TLL1: variants seen among roughly 807,000 people sequenced by gnomAD.
The protein encoded by TLL1 is tolloid like 1.
TLL1 carries 49 observed loss-of-function variants against 128.2 expected under a neutral mutation model. That is an observed-to-expected ratio of 0.38 (90% CI 0.30 to 0.48). TLL1 has a LOEUF of 0.48. Ranked by LOEUF, TLL1 falls within the 20% of genes least tolerant of loss-of-function variation. TLL1 has a pLI of 0.96. For synonymous variants in TLL1, 454 were observed against 418.8 expected, an observed-to-expected ratio of 1.08 and a Z score of -1.03; for missense variants, 1,123 against 1,242.0, an observed-to-expected ratio of 0.90 and a Z score of 1.44.
intron 1 of TLL1, among the ~76,000 whole-genome samples, chr4:165,905,779 G>A (rs1340271413): frequency 1.3e-5 from 2 of 152,210 alleles, no homozygotes; most frequent in Non-Finnish European, 2.9e-5. Flanking sequence ...ATTAGGGGTT[G>A]AAGTGAAGAG....
chr4:165,945,670 A>G (rs1734212906), intron 1 of TLL1, among the ~76,000 whole-genome samples: 1 of 152,234 alleles, frequency 6.6e-6, no homozygotes. Context: ...TTATAATAAA[A>G]AAGCCAAGAG....
chr4:165,950,124 T>C (rs564417048), intron 1 of TLL1, among the ~76,000 whole-genome samples: 1 of 152,178 alleles, frequency 6.6e-6, no homozygotes, highest in South Asian at 2.1e-4. Flanking sequence ...AGAGTGTCAA[T>C]ATTAATATCA....
At chr4:165,987,008 T>C (rs368777774) in intron 1 of TLL1, among the ~76,000 whole-genome samples, 23 of 152,228 alleles carry the variant, frequency 1.5e-4, no homozygotes, top group Admixed American at 5.9e-4. Context: ...ATGATAATCA[T>C]TTGTAGTGAT....
At chr4:165,911,115 A>G (rs1732508477) in intron 1 of TLL1, among the ~76,000 whole-genome samples, 2 of 152,194 alleles carry the variant, frequency 1.3e-5, no homozygotes, top group Admixed American at 6.5e-5. Flanking sequence ...CTACTCTACT[A>G]TCAAACACTA....
At chr4:166,094,526 AG>A (rs1472806722) in intron 19 of TLL1, among the ~76,000 whole-genome samples, 3 of 152,164 alleles carry the variant, frequency 2.0e-5, no homozygotes, top group African/African-American at 7.2e-5. Context: ...ACAATTTGTT[AG>A]GCAAAACGGG....
At chr4:166,055,386 A>T in intron 13 of TLL1, 115 bp downstream of exon 13, 1 of 919,798 alleles carries the variant, frequency 1.1e-6, no homozygotes, top group Non-Finnish European at 1.7e-6. Flanking sequence ...AATATGAATA[A>T]GGATATTTTG....
At chr4:165,947,993 G>T (rs187378115) in intron 1 of TLL1, among the ~76,000 whole-genome samples, 1 of 152,166 alleles carries the variant, frequency 6.6e-6, no homozygotes, top group East Asian at 1.9e-4. Flanking sequence ...CTGCCAACAC[G>T]TGCTACCTTG....
At chr4:166,016,945 T>G (rs1045624526) in intron 8 of TLL1, among the ~76,000 whole-genome samples, 5 of 151,986 alleles carry the variant, frequency 3.3e-5, no homozygotes, top group Admixed American at 1.3e-4. Flanking sequence ...TTTAAACTTT[T>G]ATCTTTGACT....
rs961596810 is a variant in TLL1, at chr4:165,913,212, A to G, written c.169+39139A>G. ...GTCTTCTGTGAAAATGAAATTATTT[A>G]TGCTTATTAACTCAATGAATCTTTA... On this transcript the variant is annotated intron_variant, in intron 1 of 20. Transcript: ENST00000061240. Among the ~76,000 whole-genome samples the G allele has an allele frequency of 3.9e-5, 6 of 152,224 alleles. No individual in the cohort carries two copies. The East Asian group carries it at 1.2e-3, about 29-fold the overall frequency.
At chr4:166,030,990 T>C in intron 9 of TLL1, 1 of 955,862 alleles carries the variant, frequency 1.0e-6, no homozygotes, top group Middle Eastern at 5.4e-4. Flanking sequence ...AATGTACGAT[T>C]TTGCACATTA....
intron 1 of TLL1, among the ~76,000 whole-genome samples, chr4:165,892,064 C>A (rs780888923): frequency 6.6e-6 from 1 of 152,240 alleles, no homozygotes; most frequent in Non-Finnish European, 1.5e-5. Context: ...ACACATCCTT[C>A]TTCAAATGGC....
intron 9 of TLL1, among the ~76,000 whole-genome samples, chr4:166,032,862 C>T (rs1410679361): frequency 6.6e-6 from 1 of 152,026 alleles, no homozygotes; most frequent in Non-Finnish European, 1.5e-5. Context: ...ACCATTGGGT[C>T]ATTCATATGT....
At chr4:166,023,752 A>G (rs1738355251) in intron 8 of TLL1, among the ~76,000 whole-genome samples, 1 of 152,208 alleles carries the variant, frequency 6.6e-6, no homozygotes, top group African/African-American at 2.4e-5. Flanking sequence ...GCATGTATTT[A>G]TCTTCTTAAT....
intron 7 of TLL1, among the ~76,000 whole-genome samples, chr4:166,009,106 C>G (rs2111042856): frequency 6.6e-6 from 1 of 151,462 alleles, no homozygotes; most frequent in Non-Finnish European, 1.5e-5. Flanking sequence ...ATATAATTAA[C>G]TGTCCAAATG....
At chr4:166,014,252 A>C (rs1426028687) in intron 7 of TLL1, among the ~76,000 whole-genome samples, 184 bp from the exon 8 acceptor site, 1 of 151,996 alleles carries the variant, frequency 6.6e-6, no homozygotes, top group Admixed American at 6.6e-5. Context: ...AGGCATACAC[A>C]TTTAACATGC....
In TLL1 at chr4:165,947,954, G is replaced by C. The variant is rs2110934435; in HGVS notation, c.170-41427G>C. Among the ~76,000 whole-genome samples, 2 of 152,228 alleles carry C rather than the reference G, an allele frequency of 1.3e-5. 1 individual carries two copies. On this transcript the variant is annotated intron_variant, in intron 1 of 20. Coordinates refer to ENST00000061240, the MANE Select transcript of TLL1 (RefSeq NM_012464.5). ...CTGTTTGAACCCTCAAATTCTACTG[G>C]TAAATAAAACTACTGATGAAACTCT...
Position 165,972,267 on chromosome 4 carries a change from A to T in TLL1, c.170-17114A>T, listed in dbSNP as rs950654133. Among the ~76,000 whole-genome samples the T allele has an allele frequency of 4.6e-5, 7 of 152,310 alleles. No individual in the cohort carries two copies. In the East Asian group the frequency reaches 1.4e-3, roughly 29 times the overall value. On this transcript the variant is annotated intron_variant, in intron 1 of 20. Transcript: ENST00000061240. ...GCCCATGAAAGCTCTTTGATTTTGC[A>T]CGTTTCAGTGTCAATGACCCTGTTT...
intron 10 of TLL1, among the ~76,000 whole-genome samples, chr4:166,041,581 GAGCCACTGTGCCT>G (rs372611515): frequency 5.5e-4 from 83 of 152,138 alleles, no homozygotes; most frequent in African/African-American, 1.9e-3. Context: ...TTACAGGCGT[GAGCCACTGTGCCT>G]GGCCGAGAGC....
chr4:165,990,373 A>G (rs1736580330), intron 2 of TLL1, among the ~76,000 whole-genome samples: 1 of 151,830 alleles, frequency 6.6e-6, no homozygotes, highest in South Asian at 2.1e-4. Context: ...GAAGTACAAT[A>G]TGTGGTCCTT....
Sources: allele counts gnomAD v4.1 joint callset (sites outside exome capture counted in the v4.1 genomes callset), GRCh38; gene constraint gnomAD v4.1.1; transcripts MANE v1.5; gene names NCBI Gene and HGNC (gene_info 2026-07-23, HGNC 2026-07-21).